KLF12: variants seen among roughly 807,000 people sequenced by gnomAD.
KLF12 encodes KLF transcription factor 12.
A neutral mutation model predicts 37.8 loss-of-function variants in KLF12; 9 were observed. The observed-to-expected ratio is 0.24, with a 90% CI of 0.14 to 0.42. KLF12 has a LOEUF of 0.42. Ranked by LOEUF, KLF12 falls within the 10% of genes least tolerant of loss-of-function variation. The pLI is 1.00. For missense variants in KLF12, 411 were observed against 516.0 expected, an observed-to-expected ratio of 0.80 and a Z score of 1.97; for synonymous variants, 208 against 202.1, an observed-to-expected ratio of 1.03 and a Z score of -0.25.
chr13:74,209,491 G>A, the KLF12 span, among the ~76,000 whole-genome samples: 3 of 147,474 alleles, frequency 2.0e-5, no homozygotes, highest in African/African-American at 7.5e-5. Context: ...TAAAATTTTT[G>A]TATAAAAGAA....
At chr13:74,107,920 G>C (rs1876742957) in intron 1 of KLF12, among the ~76,000 whole-genome samples, 1 of 152,220 alleles carries the variant, frequency 6.6e-6, no homozygotes, top group African/African-American at 2.4e-5. Context: ...ATTTAGTCTT[G>C]AGGTACGACA....
At chr13:74,151,107 C>A in the KLF12 span, among the ~76,000 whole-genome samples, 1 of 152,090 alleles carries the variant, frequency 6.6e-6, no homozygotes, top group African/African-American at 2.4e-5. Context: ...AGTTTTTTAG[C>A]GGTTGGTTGA....
At chr13:73,982,978 A>G in intron 2 of KLF12, among the ~76,000 whole-genome samples, 1 of 152,114 alleles carries the variant, frequency 6.6e-6, no homozygotes, top group East Asian at 1.9e-4. Context: ...AAAAAAAAGT[A>G]AAATTCATTC....
chr13:73,928,553 G>A (rs1359475976), intron 3 of KLF12, among the ~76,000 whole-genome samples: 1 of 152,054 alleles, frequency 6.6e-6, no homozygotes, highest in Non-Finnish European at 1.5e-5. Context: ...CCAACACTAA[G>A]GAAATGCAAG....
chr13:74,210,557 C>T, the KLF12 span, among the ~76,000 whole-genome samples: 1 of 152,150 alleles, frequency 6.6e-6, no homozygotes, highest in African/African-American at 2.4e-5. Context: ...GATGTCATTT[C>T]CCCCATCTAT....
At chr13:73,986,389 A>T (rs1891829413) in intron 2 of KLF12, among the ~76,000 whole-genome samples, 1 of 152,198 alleles carries the variant, frequency 6.6e-6, no homozygotes, top group Admixed American at 6.5e-5. Context: ...ATTTTGATTG[A>T]CATAAATCAT....
chr13:73,937,652 A>T (rs1390155604), intron 3 of KLF12, among the ~76,000 whole-genome samples: 1 of 152,192 alleles, frequency 6.6e-6, no homozygotes, highest in Admixed American at 6.5e-5. Flanking sequence ...GTACATTGCT[A>T]AAGGGAAGAA....
chr13:74,100,310 C>T (rs12855892), intron 1 of KLF12, among the ~76,000 whole-genome samples: 1 of 152,056 alleles, frequency 6.6e-6, no homozygotes, highest in Non-Finnish European at 1.5e-5. Context: ...GTATGAACTT[C>T]CAGTTTTAAA....
chr13:74,173,629 A>G, the KLF12 span, among the ~76,000 whole-genome samples: 1 of 152,176 alleles, frequency 6.6e-6, no homozygotes. Flanking sequence ...GCATTACCAG[A>G]TGGATGAAGC....
chr13:74,028,051 A>G (rs1196029992), intron 1 of KLF12, among the ~76,000 whole-genome samples: 1 of 152,206 alleles, frequency 6.6e-6, no homozygotes, highest in East Asian at 1.9e-4. Flanking sequence ...ATCCATTGCT[A>G]GAAAGTGGCA....
At chr13:73,793,172 G>C (rs1384988943) in intron 5 of KLF12, among the ~76,000 whole-genome samples, 1 of 152,192 alleles carries the variant, frequency 6.6e-6, no homozygotes, top group Non-Finnish European at 1.5e-5. Context: ...TACAGGCATT[G>C]TGCTAAGTTC....
chr13:74,133,015 A>T (rs1191253575), intron 1 of KLF12, among the ~76,000 whole-genome samples: 1 of 152,140 alleles, frequency 6.6e-6, no homozygotes, highest in Non-Finnish European at 1.5e-5. Flanking sequence ...GCCCGGGTGG[A>T]CGTACAAAGT....
At chr13:73,808,591 T>C (rs936718681) in intron 5 of KLF12, among the ~76,000 whole-genome samples, 12 of 152,306 alleles carry the variant, frequency 7.9e-5, no homozygotes, top group African/African-American at 2.9e-4. Context: ...TGGTTAACAA[T>C]TTCTGCATAT....
the KLF12 span, among the ~76,000 whole-genome samples, chr13:74,200,299 A>G: frequency 2.0e-5 from 3 of 152,256 alleles, no homozygotes; most frequent in East Asian, 5.8e-4. Flanking sequence ...AGAGGATGGA[A>G]GCAATGAGGA....
intron 1 of KLF12, among the ~76,000 whole-genome samples, chr13:74,049,214 T>C (rs1485036422): frequency 1.3e-5 from 2 of 151,922 alleles, no homozygotes; most frequent in African/African-American, 4.8e-5. Context: ...CAAGAGAAAA[T>C]CATACCAAGA....
At chr13:73,994,915 T>G in intron 2 of KLF12, 75 bp downstream of exon 2, 1 of 953,606 alleles carries the variant, frequency 1.0e-6, no homozygotes, top group South Asian at 1.3e-5. Context: ...GGTACTCTAA[T>G]GAGAATAAAC....
intron 1 of KLF12, among the ~76,000 whole-genome samples, chr13:74,100,694 CTATAAGTG>C (rs1442503632): frequency 6.6e-6 from 1 of 151,902 alleles, no homozygotes; most frequent in Non-Finnish European, 1.5e-5. Flanking sequence ...ATAAACACTG[CTATAAGTG>C]TATGTATTTA....
the KLF12 span, among the ~76,000 whole-genome samples, chr13:74,298,836 G>A: frequency 1.3e-5 from 2 of 152,196 alleles, no homozygotes; most frequent in African/African-American, 2.4e-5. Flanking sequence ...AAGTTGGCTT[G>A]TTTTGAAGCA....
chr13:74,159,617 C>A, the KLF12 span, among the ~76,000 whole-genome samples: 1 of 152,180 alleles, frequency 6.6e-6, no homozygotes, highest in African/African-American at 2.4e-5. Flanking sequence ...CCAAAGGAGA[C>A]AAGTTGCTGT....
Sources: gnomAD v4.1 joint callset for allele counts (sites outside exome capture counted in the v4.1 genomes callset) on GRCh38, gnomAD v4.1.1 for gene constraint, MANE v1.5 for transcripts, NCBI Gene and HGNC (gene_info 2026-07-23, HGNC 2026-07-21) for gene names.